SMG1: variants seen among roughly 807,000 people sequenced by gnomAD.
SMG1 encodes serine/threonine-protein kinase SMG1.
A neutral mutation model predicts 419.9 loss-of-function variants in SMG1; 22 were observed. That is an observed-to-expected ratio of 0.05 (90% CI 0.04 to 0.07). The LOEUF (loss-of-function observed/expected upper bound fraction) is 0.07. SMG1 is among the 10% of genes least tolerant of loss of function. SMG1 has a pLI of 1.00. For synonymous variants in SMG1, 1,538 were observed against 1,553.5 expected (o/e 0.99, Z 0.23); for missense variants, 3,185 against 4,342.0 (o/e 0.73, Z 7.49).
intron 1 of SMG1, among the ~76,000 whole-genome samples, chr16:18,915,237 T>G (rs2037926552): frequency 1.3e-5 from 2 of 152,066 alleles, no homozygotes; most frequent in Non-Finnish European, 2.9e-5. Flanking sequence ...CCTCCCAAAT[T>G]GCTGAGATTA....
At chr16:18,899,512 C>T (rs2037265441) in intron 1 of SMG1, among the ~76,000 whole-genome samples, 2 of 152,172 alleles carry the variant, frequency 1.3e-5, no homozygotes, top group Non-Finnish European at 2.9e-5. Context: ...CCTAAAAGCA[C>T]AAAATGCTTT....
At chr16:18,899,281 T>G (rs181559326) in intron 1 of SMG1, among the ~76,000 whole-genome samples, 1 of 152,182 alleles carries the variant, frequency 6.6e-6, no homozygotes, top group East Asian at 1.9e-4. Context: ...AGGAGCCGCT[T>G]CCCCGTTGGT....
chr16:18,834,482 A>T, intron 49 of SMG1, 44 bp from the exon 50 acceptor site: 1 of 1,563,918 alleles, frequency 6.4e-7, no homozygotes, highest in Non-Finnish European at 8.7e-7. Flanking sequence ...AAATGTATAA[A>T]CAAAACAAGG....
intron 51 of SMG1, among the ~76,000 whole-genome samples, chr16:18,831,205 C>A (rs970203091): frequency 6.6e-6 from 1 of 152,142 alleles, no homozygotes; most frequent in African/African-American, 2.4e-5. Flanking sequence ...CACACACACA[C>A]AGAAACCATT....
chr16:18,829,841 T>C (rs2033041792), intron 53 of SMG1, 85 bp downstream of exon 53: 1 of 1,427,900 alleles, frequency 7.0e-7, no homozygotes. Flanking sequence ...GTCATGAATG[T>C]ATAATTAAAT....
Position 18,828,180 on chromosome 16 carries a change from A to G in SMG1, c.9604-12T>C. Reference sequence around the variant, plus strand: ...TCTTCATGTTGCCACTGTTGAGAGAAAAAGAAATGTATTAAAATCAGCAGG... The same window carrying G: ...TCTTCATGTTGCCACTGTTGAGAGAGAAAGAAATGTATTAAAATCAGCAGG... On this transcript the variant is annotated splice_polypyrimidine_tract_variant and intron_variant, in intron 54 of 62. Coordinates refer to ENST00000446231, the MANE Select transcript of SMG1 (RefSeq NM_015092.5). 3 of 1,611,166 alleles carry G rather than the reference A, an allele frequency of 1.9e-6. No individual in the cohort carries two copies. The highest frequency in any genetic ancestry group is 2.5e-6 in the Non-Finnish European group (3 of 1,178,048).
chr16:18,815,939 GAC>G, intron 58 of SMG1: 1 of 458,564 alleles, frequency 2.2e-6, no homozygotes, highest in Non-Finnish European at 3.8e-6. Flanking sequence ...GGAGGGAAGA[GAC>G]AACATTTCAT....
At chr16:18,818,622 G>T (rs1443188745) in intron 56 of SMG1, among the ~76,000 whole-genome samples, 1 of 152,090 alleles carries the variant, frequency 6.6e-6, no homozygotes. Context: ...ATTAAATATG[G>T]ATAGAAAGGA....
At chr16:18,918,619 G>A (rs1186115300) in intron 1 of SMG1, among the ~76,000 whole-genome samples, 1 of 152,160 alleles carries the variant, frequency 6.6e-6, no homozygotes, top group Non-Finnish European at 1.5e-5. Context: ...CATGATCTTG[G>A]CTCACTGCAA....
chr16:18,914,842 T>C (rs1170018802), intron 1 of SMG1, among the ~76,000 whole-genome samples: 1 of 152,068 alleles, frequency 6.6e-6, no homozygotes, highest in Non-Finnish European at 1.5e-5. Context: ...TGTAGACAGA[T>C]ACAATAGACC....
At chr16:18,871,336 A>AT in intron 16 of SMG1, 28 bp downstream of exon 16, 2 of 1,097,450 alleles carry the variant, frequency 1.8e-6, no homozygotes, top group Non-Finnish European at 2.5e-6. Flanking sequence ...TAAACAAAAT[A>AT]GAAAAAAAAA....
intron 25 of SMG1, among the ~76,000 whole-genome samples, chr16:18,862,862 A>T (rs775270334): frequency 6.6e-6 from 1 of 152,202 alleles, no homozygotes; most frequent in African/African-American, 2.4e-5. Context: ...GAATACTCCA[A>T]GCCCACCATT....
chr16:18,850,011 G>A lies in SMG1; in HGVS notation c.5399C>T (p.Ala1800Val), dbSNP rs1403839573. 1 of 1,613,972 alleles carries A rather than the reference G, an allele frequency of 6.2e-7. No homozygotes were observed. Among genetic ancestry groups the A allele is most frequent in the Non-Finnish European group, 8.5e-7 (1 of 1,179,882 alleles). Residue 1800 changes from alanine (A) to valine (V), a missense_variant, in exon 35 of 63, where the codon GCT (alanine) becomes GTT (valine). This residue lies in a region of SMG1 where 493 missense variants were observed against 552.9 expected (regional missense o/e 0.89). Transcript: ENST00000446231. ...LRLLRLLVKH[A>V]GELRQYLEHG... Reference sequence around the variant, plus strand: ...CTCCAGATACTGCCGAAGCTCACCAGCATGCTTCACGAGCAACCGCAGCAG... The same window carrying A: ...CTCCAGATACTGCCGAAGCTCACCAACATGCTTCACGAGCAACCGCAGCAG...
At chr16:18,842,522 T>C (rs2141305826) in intron 39 of SMG1, 68 bp from the exon 40 acceptor site, 1 of 1,512,752 alleles carries the variant, frequency 6.6e-7, no homozygotes, top group Non-Finnish European at 9.0e-7. Flanking sequence ...CCACATTCAA[T>C]ATGGCATAAA....
At chr16:18,844,668 G>C (rs2141329237) in intron 39 of SMG1, among the ~76,000 whole-genome samples, 1 of 150,752 alleles carries the variant, frequency 6.6e-6, no homozygotes, top group South Asian at 2.1e-4. Context: ...TATTTGCTCT[G>C]AATTTAGCAC....
chr16:18,858,789 A>G, intron 28 of SMG1: 1 of 408,806 alleles, frequency 2.4e-6, no homozygotes, highest in Non-Finnish European at 4.3e-6. Flanking sequence ...CCCACCCCGA[A>G]ATTAGAAGGA....
In SMG1 at chr16:18,854,789, T is replaced by C; in HGVS notation, c.4350A>G (p.Glu1450=). 5 of 1,614,042 alleles carry C rather than the reference T, an allele frequency of 3.1e-6. No homozygotes were observed. The highest frequency in any genetic ancestry group is 4.2e-6 in the Non-Finnish European group (5 of 1,179,892). ...LATRLLAQCS[E]VQLGKTTTAQ... is the part of the protein sequence containing the mutation. ...CAGTGGTGGTCTTTCCCAGCTGAAC[T>C]TCACTGCACTGTGCCAGCAGTCTTG... The change falls in exon 30 of 63, where the codon GAA becomes GAG. Residue 1450 remains glutamate (E), a synonymous_variant. Transcript: ENST00000446231.
Position 18,866,680 on chromosome 16 carries a change from T to C in SMG1, c.3291A>G (p.Ser1097=). 1 of 1,594,864 alleles carries C rather than the reference T, an allele frequency of 6.3e-7. No individual in the cohort carries two copies. Among genetic ancestry groups the C allele is most frequent in the Non-Finnish European group, 8.5e-7 (1 of 1,177,396 alleles). The change falls in exon 23 of 63, where the codon TCA becomes TCG. Residue 1097 remains serine (S), a synonymous_variant. Transcript: ENST00000446231. ...EAIQGIAVWS[S]SIVGKNLLWI... ...ACAGAAGATTTTTTCCAACAATAGA[T>C]GATGACCAGACAGCAATTCCCTGTA... is the stretch of plus-strand genomic sequence containing the variant.
intron 1 of SMG1, among the ~76,000 whole-genome samples, chr16:18,920,041 A>C (rs62047589): frequency 0.07 from 10,610 of 152,034 alleles, 376 homozygotes; most frequent in African/African-American, 0.093. Context: ...TACTGAGCCA[A>C]GATCGTGCCA....
Sources: allele counts gnomAD v4.1 joint callset (sites outside exome capture counted in the v4.1 genomes callset), GRCh38; gene constraint gnomAD v4.1.1; regional missense constraint gnomAD v4.1.1; transcripts MANE v1.5; gene names NCBI Gene and HGNC (gene_info 2026-07-23, HGNC 2026-07-21).